MARCHF4: variants seen among roughly 807,000 people sequenced by gnomAD.
MARCHF4 encodes E3 ubiquitin-protein ligase MARCHF4.
In MARCHF4, 14 loss-of-function variants were observed where a neutral mutation model predicts 43.9. That is an observed-to-expected ratio of 0.32 (90% CI 0.21 to 0.50). The LOEUF (loss-of-function observed/expected upper bound fraction) is 0.50. Ranked by LOEUF, MARCHF4 falls within the 20% of genes least tolerant of loss-of-function variation. The pLI is 0.98. For synonymous variants in MARCHF4, 226 were observed against 213.3 expected, an observed-to-expected ratio of 1.06 and a Z score of -0.52; for missense variants, 468 against 536.7, an observed-to-expected ratio of 0.87 and a Z score of 1.27.
intron 1 of MARCHF4, among the ~76,000 whole-genome samples, chr2:216,304,478 G>A (rs1402416575): frequency 2.6e-5 from 4 of 152,118 alleles, no homozygotes; most frequent in Admixed American, 6.5e-5. Context: ...TAATGACCGA[G>A]GACAAATTGA....
At chr2:216,367,348 C>G (rs960588325) in intron 1 of MARCHF4, among the ~76,000 whole-genome samples, 1 of 151,914 alleles carries the variant, frequency 6.6e-6, no homozygotes, top group Non-Finnish European at 1.5e-5. Flanking sequence ...CTATCCCTCT[C>G]TTTCTCCCTC....
At chr2:216,363,406 G>A (rs1574488844) in intron 1 of MARCHF4, among the ~76,000 whole-genome samples, 1 of 152,210 alleles carries the variant, frequency 6.6e-6, no homozygotes, top group Admixed American at 6.5e-5. Context: ...TGCATTCAAT[G>A]TTGTATCCGT....
chr2:216,312,198 TA>T (rs1386114347), intron 1 of MARCHF4, among the ~76,000 whole-genome samples: 1 of 152,214 alleles, frequency 6.6e-6, no homozygotes, highest in Admixed American at 6.5e-5. Context: ...CTCCCATTTA[TA>T]ATTGGGAACA....
intron 1 of MARCHF4, among the ~76,000 whole-genome samples, chr2:216,291,809 A>G (rs1691311378): frequency 6.6e-6 from 1 of 152,238 alleles, no homozygotes; most frequent in South Asian, 2.1e-4. Flanking sequence ...TCAAAAGCTA[A>G]GTGAAGCTAA....
At chr2:216,267,725 A>G (rs945227458) in intron 3 of MARCHF4, among the ~76,000 whole-genome samples, 1 of 152,162 alleles carries the variant, frequency 6.6e-6, no homozygotes, top group Non-Finnish European at 1.5e-5. Context: ...TTATTTATCA[A>G]ATTGGGGCTA....
At chr2:216,263,555 GA>G (rs1423332180) in intron 3 of MARCHF4, among the ~76,000 whole-genome samples, 62 of 150,278 alleles carry the variant, frequency 4.1e-4, no homozygotes, top group Admixed American at 2.0e-3. Flanking sequence ...GAGAGAGAAA[GA>G]AGAAAAAGAA....
chr2:216,319,032 G>A (rs1243905547), intron 1 of MARCHF4, among the ~76,000 whole-genome samples: 2 of 152,166 alleles, frequency 1.3e-5, no homozygotes, highest in Non-Finnish European at 2.9e-5. Context: ...TACCTGCCGG[G>A]TGCGGTGGCT....
At chr2:216,322,020 CTGT>C (rs1691904063) in intron 1 of MARCHF4, among the ~76,000 whole-genome samples, 1 of 152,154 alleles carries the variant, frequency 6.6e-6, no homozygotes, top group Non-Finnish European at 1.5e-5. Flanking sequence ...TTACAAGTTG[CTGT>C]GACTGAAATG....
intron 3 of MARCHF4, among the ~76,000 whole-genome samples, chr2:216,269,549 A>G (rs1447602462): frequency 6.6e-6 from 1 of 152,232 alleles, no homozygotes; most frequent in East Asian, 1.9e-4. Flanking sequence ...CTCTATATCT[A>G]GGCTGTAGCT....
chr2:216,363,600 A>G (rs2105985867), intron 1 of MARCHF4, among the ~76,000 whole-genome samples: 1 of 152,334 alleles, frequency 6.6e-6, no homozygotes, highest in East Asian at 1.9e-4. Flanking sequence ...GACTGACAGA[A>G]GTAGGAACTG....
chr2:216,329,337 C>T (rs62181084), intron 1 of MARCHF4, among the ~76,000 whole-genome samples: 8,183 of 152,132 alleles, frequency 0.054, 328 homozygotes, highest in South Asian at 0.2. Flanking sequence ...GCCGAGATGG[C>T]GCCACTGGAC....
intron 1 of MARCHF4, among the ~76,000 whole-genome samples, chr2:216,320,653 TTCTTTCTTTC>T: frequency 8.2e-6 from 1 of 122,304 alleles, no homozygotes; most frequent in Non-Finnish European, 1.6e-5. Context: ...CTTTCTTTCT[TTCTTTCTTTC>T]TTTCTTTCTT....
chr2:216,354,894 T>TCTTTCTTTCTTTCTTTCTTC (rs1559106478), intron 1 of MARCHF4, among the ~76,000 whole-genome samples: 2 of 36,236 alleles, frequency 5.5e-5, no homozygotes, highest in African/African-American at 1.4e-4. Flanking sequence ...ATAATTGTTT[T>TCTTTCTTTCTTTCTTTCTTC]CTTTCTTTCT....
At chr2:216,360,814 G>A (rs1031868961) in intron 1 of MARCHF4, among the ~76,000 whole-genome samples, 1 of 152,036 alleles carries the variant, frequency 6.6e-6, no homozygotes, top group Non-Finnish European at 1.5e-5. Context: ...CCACCCTGGT[G>A]GGATTTTTTT....
intron 1 of MARCHF4, among the ~76,000 whole-genome samples, chr2:216,335,414 A>G (rs1692141990): frequency 6.6e-6 from 1 of 152,242 alleles, no homozygotes; most frequent in African/African-American, 2.4e-5. Flanking sequence ...AAATTTAACA[A>G]TTTAATGGCT....
At chr2:216,308,409 G>T (rs536969005) in intron 1 of MARCHF4, among the ~76,000 whole-genome samples, 5 of 152,236 alleles carry the variant, frequency 3.3e-5, no homozygotes, top group South Asian at 4.1e-4. Flanking sequence ...CTCTCAAAAA[G>T]AGAAAAGAAA....
At chr2:216,343,545 A>T (rs1401226417) in intron 1 of MARCHF4, among the ~76,000 whole-genome samples, 1 of 152,158 alleles carries the variant, frequency 6.6e-6, no homozygotes, top group Admixed American at 6.5e-5. Context: ...GGCGGTGCAC[A>T]AACATTTAGT....
intron 3 of MARCHF4, among the ~76,000 whole-genome samples, chr2:216,273,171 T>C (rs1690965786): frequency 6.6e-6 from 1 of 152,250 alleles, no homozygotes. Context: ...CCTACTTTCA[T>C]GAGCTGTCCC....
At chr2:216,283,533 C>T in intron 2 of MARCHF4, 41 bp downstream of exon 2, 3 of 1,549,684 alleles carry the variant, frequency 1.9e-6, no homozygotes, top group Middle Eastern at 1.7e-4. Flanking sequence ...GGTGTGGAAG[C>T]CCCAGGCCCA....
Sources: allele counts gnomAD v4.1 joint callset (sites outside exome capture counted in the v4.1 genomes callset), GRCh38; gene constraint gnomAD v4.1.1; transcripts MANE v1.5; gene names NCBI Gene and HGNC (gene_info 2026-07-23, HGNC 2026-07-21).